Variants in NRXN1 observed in about 807,000 individuals in gnomAD.
NRXN1 encodes the protein neurexin-1.
NRXN1 carries 39 observed loss-of-function variants against 150.9 expected under a neutral mutation model. That is an observed-to-expected ratio of 0.26 (90% confidence interval 0.20 to 0.34). The LOEUF (loss-of-function observed/expected upper bound fraction) is 0.34. NRXN1 is among the 10% of genes least tolerant of loss of function. The pLI, the probability that NRXN1 is intolerant of heterozygous loss-of-function variation, is 1.00. For missense variants in NRXN1, 1,815 were observed against 1,949.9 expected (o/e 0.93, Z 1.30); for synonymous variants, 924 against 757.0 (o/e 1.22, Z -3.62).
At chr2:50,177,804 T>G (rs1247728243) in intron 18 of NRXN1, among the ~76,000 whole-genome samples, 1 of 146,576 alleles carries the variant, frequency 6.8e-6, no homozygotes, top group Non-Finnish European at 1.5e-5. Flanking sequence ...TCTCTCTCTC[T>G]CTCTCTCCTC....
chr2:50,321,422 G>A lies in NRXN1; in HGVS notation c.3365-84452C>T, dbSNP rs796374728. ...CACTGGGAGAAATAAACTGCAGTTCGTGTCTAAGATATAGAAAGATTCACC... is the reference window on the plus strand; with the variant it reads ...CACTGGGAGAAATAAACTGCAGTTCATGTCTAAGATATAGAAAGATTCACC... On this transcript the variant is annotated intron_variant, in intron 17 of 22. Coordinates refer to ENST00000401669, the MANE Select transcript of NRXN1 (RefSeq NM_001330078.2). Among the ~76,000 whole-genome samples, 6 of 152,240 alleles carry A rather than the reference G, an allele frequency of 3.9e-5. 1 individual carries two copies. Among genetic ancestry groups the A allele is most frequent in the African/African-American group, 9.6e-5 (4 of 41,536 alleles).
chr2:50,160,299 G>C (rs1335870573), intron 18 of NRXN1, among the ~76,000 whole-genome samples: 1 of 152,070 alleles, frequency 6.6e-6, no homozygotes, highest in African/African-American at 2.4e-5. Flanking sequence ...CCAGCACTTT[G>C]GGAGGTCGAG....
intron 1 of NRXN1, among the ~76,000 whole-genome samples, chr2:51,031,526 A>G (rs145937890): frequency 6.6e-6 from 1 of 152,154 alleles, no homozygotes; most frequent in East Asian, 1.9e-4. Flanking sequence ...GCTTTTGCAA[A>G]GTCTCTCAAT....
At chr2:49,996,417 T>G (rs570663934) in intron 21 of NRXN1, among the ~76,000 whole-genome samples, 2 of 152,158 alleles carry the variant, frequency 1.3e-5, no homozygotes, top group African/African-American at 4.8e-5. Flanking sequence ...GAAAGGAAGA[T>G]TGGGGATTTA....
At chr2:50,927,195 T>G (rs992477554) in intron 2 of NRXN1, among the ~76,000 whole-genome samples, 6 of 152,024 alleles carry the variant, frequency 3.9e-5, no homozygotes, top group African/African-American at 1.4e-4. Context: ...CAACTAAGAA[T>G]GTACCATTTG....
At chr2:50,185,831 C>T (rs973822660) in intron 18 of NRXN1, among the ~76,000 whole-genome samples, 1 of 152,082 alleles carries the variant, frequency 6.6e-6, no homozygotes, top group African/African-American at 2.4e-5. Context: ...TATGACTGCA[C>T]ATCATTCATG....
intron 17 of NRXN1, among the ~76,000 whole-genome samples, chr2:50,258,421 C>T (rs2067929429): frequency 6.6e-6 from 1 of 152,014 alleles, no homozygotes; most frequent in African/African-American, 2.4e-5. Flanking sequence ...AGCAACTTCT[C>T]ATTTGTTCAA....
chr2:50,074,269 A>C (rs1696727988), intron 19 of NRXN1, among the ~76,000 whole-genome samples: 1 of 152,126 alleles, frequency 6.6e-6, no homozygotes, highest in Admixed American at 6.5e-5. Context: ...ATCAAAAATG[A>C]AAAGTTTCCT....
intron 12 of NRXN1, among the ~76,000 whole-genome samples, chr2:50,525,606 A>G (rs1025408871): frequency 1.3e-5 from 2 of 152,204 alleles, no homozygotes; most frequent in African/African-American, 2.4e-5. Context: ...AGCATCAATA[A>G]ACTGAGACTC....
In NRXN1 at chr2:50,069,985, G is replaced by T. The variant is rs145316475; in HGVS notation, c.3719-14941C>A. Among the ~76,000 whole-genome samples, 507 of 151,824 alleles carry T rather than the reference G, an allele frequency of 3.3e-3. 3 individuals are homozygous for T. The highest frequency in any genetic ancestry group is 0.012 in the African/African-American group (491 of 41,418). On this transcript the variant is annotated intron_variant, in intron 19 of 22. Coordinates refer to ENST00000401669, the MANE Select transcript of NRXN1 (RefSeq NM_001330078.2). ...CCTGCCTCAGCCTCCCGAGTAGCTG[G>T]AACTACAGGCACCCGCCACCACACC...
intron 17 of NRXN1, among the ~76,000 whole-genome samples, chr2:50,302,649 A>G (rs527400116): frequency 1.9e-4 from 29 of 152,176 alleles, no homozygotes; most frequent in Middle Eastern, 3.2e-3. Flanking sequence ...GCATTTTAAA[A>G]TAAACATTCT....
intron 2 of NRXN1, among the ~76,000 whole-genome samples, chr2:51,017,254 T>G (rs1384918570): frequency 6.6e-6 from 1 of 151,742 alleles, no homozygotes; most frequent in East Asian, 1.9e-4. Flanking sequence ...AAAGTATAAT[T>G]TAAAAAAATA....
intron 18 of NRXN1, among the ~76,000 whole-genome samples, chr2:50,215,696 T>G (rs757089632): frequency 6.6e-6 from 1 of 152,014 alleles, no homozygotes; most frequent in Non-Finnish European, 1.5e-5. Flanking sequence ...TAAAACAATA[T>G]TTAAAATAAG....
chr2:50,877,122 T>C (rs555557136), intron 5 of NRXN1, among the ~76,000 whole-genome samples: 22 of 151,778 alleles, frequency 1.4e-4, no homozygotes, highest in African/African-American at 5.3e-4. Context: ...CCTAGTTCAA[T>C]GTTAATGATG....
At chr2:50,810,549 T>A (rs552575907) in intron 5 of NRXN1, among the ~76,000 whole-genome samples, 1 of 152,280 alleles carries the variant, frequency 6.6e-6, no homozygotes, top group Admixed American at 6.5e-5. Context: ...GCCTAGTAAG[T>A]AGCATTATTA....
intron 17 of NRXN1, among the ~76,000 whole-genome samples, chr2:50,294,699 T>C (rs1322506848): frequency 6.6e-6 from 1 of 152,190 alleles, no homozygotes; most frequent in African/African-American, 2.4e-5. Context: ...ATGAGGTACA[T>C]CCTGCCTTGT....
chr2:50,121,655 A>G (rs1339960870), intron 18 of NRXN1, among the ~76,000 whole-genome samples: 1 of 152,220 alleles, frequency 6.6e-6, no homozygotes, highest in Non-Finnish European at 1.5e-5. Context: ...AAAGTCTTTC[A>G]ACCAGGAGAA....
intron 17 of NRXN1, among the ~76,000 whole-genome samples, chr2:50,325,760 T>G (rs1430351236): frequency 1.3e-5 from 2 of 152,222 alleles, no homozygotes; most frequent in Non-Finnish European, 2.9e-5. Context: ...CAATTAGAAA[T>G]GCACACATTA....
chr2:50,823,063 C>T (rs919369005), intron 5 of NRXN1, among the ~76,000 whole-genome samples: 3 of 152,124 alleles, frequency 2.0e-5, no homozygotes, highest in Non-Finnish European at 4.4e-5. Flanking sequence ...CACTTGCACC[C>T]TGGAGACCTG....
Sources: gnomAD v4.1 joint callset for allele counts (sites outside exome capture counted in the v4.1 genomes callset) on GRCh38, gnomAD v4.1.1 for gene constraint, MANE v1.5 for transcripts, NCBI Gene and HGNC (gene_info 2026-07-23, HGNC 2026-07-21) for gene names.